MED15: variants seen among roughly 807,000 people sequenced by gnomAD.
MED15 encodes the protein mediator of RNA polymerase II transcription subunit 15.
Under a neutral mutation model 118.7 loss-of-function variants are expected in MED15, and 41 were observed. That is an observed-to-expected ratio of 0.35 (90% CI 0.27 to 0.45). The LOEUF is 0.45. MED15 is among the 20% of genes least tolerant of loss of function. MED15 has a pLI of 1.00. For synonymous variants in MED15, 436 were observed against 413.9 expected, an observed-to-expected ratio of 1.05 and a Z score of -0.65; for missense variants, 740 against 1,025.5, an observed-to-expected ratio of 0.72 and a Z score of 3.80.
chr22:20,533,472 T>G (rs1291613658), intron 1 of MED15, among the ~76,000 whole-genome samples: 1 of 152,222 alleles, frequency 6.6e-6, no homozygotes, highest in Non-Finnish European at 1.5e-5. Flanking sequence ...GGTCTGTTAC[T>G]GGCCACCAAA....
chr22:20,534,436 G>A (rs1331024205), intron 1 of MED15, among the ~76,000 whole-genome samples: 1 of 152,138 alleles, frequency 6.6e-6, no homozygotes, highest in African/African-American at 2.4e-5. Flanking sequence ...GAGGTGAGAG[G>A]ATACTTGAGC....
At chr22:20,515,509 G>C (rs2054218257) in intron 1 of MED15, among the ~76,000 whole-genome samples, 1 of 152,156 alleles carries the variant, frequency 6.6e-6, no homozygotes, top group African/African-American at 2.4e-5. Flanking sequence ...GTTTACGAAG[G>C]CTGGGCGTAG....
At chr22:20,570,746 C>CTTTCTTTTTTTTTTT (rs1569236484) in intron 8 of MED15, among the ~76,000 whole-genome samples, 6 of 62,104 alleles carry the variant, frequency 9.7e-5, no homozygotes, top group Admixed American at 2.6e-4. Flanking sequence ...TTCTTTCTTT[C>CTTTCTTTTTTTTTTT]TTTTTTTTTT....
intron 5 of MED15, among the ~76,000 whole-genome samples, chr22:20,557,014 A>T (rs528934885): frequency 9.2e-5 from 14 of 152,338 alleles, no homozygotes; most frequent in African/African-American, 3.4e-4. Context: ...CATGAAGGAC[A>T]TTTGGGTTGT....
At chr22:20,540,461 C>G (rs1177159723) in intron 2 of MED15, among the ~76,000 whole-genome samples, 1 of 152,070 alleles carries the variant, frequency 6.6e-6, no homozygotes, top group African/African-American at 2.4e-5. Context: ...GTAGTCCTGC[C>G]TAATCGACAG....
rs1316186306 is a variant in MED15 at position 20,507,762 on chromosome 22, G to T, written c.68+16G>T. 1.2e-6 allele frequency: 2 copies of T among 1,613,882 alleles called. No homozygotes were observed. Among genetic ancestry groups the T allele is most frequent in the Non-Finnish European group, 1.7e-6 (2 of 1,179,928 alleles). On this transcript the variant is annotated intron_variant, in intron 1 of 17. Coordinates refer to ENST00000263205, the MANE Select transcript of MED15 (RefSeq NM_001003891.3). The stretch of plus-strand genomic sequence containing the variant: ...TCAGTCAAATGTGAGTAGTGGTCGG[G>T]GCAGGGGGCTGGATTGTGGGACCTT...
intron 1 of MED15, among the ~76,000 whole-genome samples, chr22:20,531,639 C>T (rs1012335331): frequency 6.6e-6 from 1 of 152,256 alleles, no homozygotes; most frequent in Non-Finnish European, 1.5e-5. Flanking sequence ...ATTCTCCGTT[C>T]TGCACGTCGT....
At chr22:20,548,565 C>T (rs1031773477) in intron 2 of MED15, among the ~76,000 whole-genome samples, 1 of 152,224 alleles carries the variant, frequency 6.6e-6, no homozygotes, top group Admixed American at 6.5e-5. Flanking sequence ...CAGCCCAGTT[C>T]CTGATACTTG....
chr22:20,545,167 C>T (rs553386354), intron 2 of MED15, among the ~76,000 whole-genome samples: 1 of 152,166 alleles, frequency 6.6e-6, no homozygotes, highest in South Asian at 2.1e-4. Context: ...ATGGAGTTTT[C>T]ATTTGGAGTG....
chr22:20,560,042 G>T (rs374112682), intron 5 of MED15, among the ~76,000 whole-genome samples: 2 of 152,274 alleles, frequency 1.3e-5, no homozygotes, highest in South Asian at 2.1e-4. Flanking sequence ...TACTGTGGGG[G>T]TGCTGCTGGT....
Position 20,528,590 on chromosome 22 carries a change from C to G in MED15, c.69-8527C>G, listed in dbSNP as rs537413738. On this transcript the variant is annotated intron_variant, in intron 1 of 17. Coordinates refer to ENST00000263205, the MANE Select transcript of MED15 (RefSeq NM_001003891.3). The stretch of plus-strand genomic sequence containing the variant: ...GCCTGGTTCCTAACAGCCCACAGAC[C>G]TGTACTGGTCTGTGGCCCAGGGCTT... 1.9e-4 allele frequency among the ~76,000 whole-genome samples: 29 copies of G among 152,300 alleles called. 1 individual carries two copies. Among genetic ancestry groups the G allele is most frequent in the African/African-American group, 7.0e-4 (29 of 41,558 alleles).
rs763614093 is a variant in MED15, at chr22:20,582,762, G to A, written c.1409+15G>A. 2 of 1,589,222 alleles carry A rather than the reference G, an allele frequency of 1.3e-6. No individual in the cohort carries two copies. The highest frequency in any genetic ancestry group is 2.2e-5 in the East Asian group (1 of 44,482). ...TCCAACGTCAGGTAGGCCTGGCCTG[G>A]GGTGCCCCTCCCCACCTGGCCCTCG... On this transcript the variant is annotated intron_variant, in intron 10 of 17. Coordinates refer to ENST00000263205, the MANE Select transcript of MED15 (RefSeq NM_001003891.3).
intron 2 of MED15, among the ~76,000 whole-genome samples, chr22:20,540,165 AG>A (rs1414042523): frequency 6.6e-6 from 1 of 152,078 alleles, no homozygotes; most frequent in Non-Finnish European, 1.5e-5. Flanking sequence ...GGTTTACCCA[AG>A]GGGGGCTGTG....
intron 1 of MED15, among the ~76,000 whole-genome samples, chr22:20,511,201 T>G (rs904405848): frequency 8.5e-5 from 13 of 152,158 alleles, no homozygotes; most frequent in Admixed American, 7.9e-4. Context: ...TAATTTATAG[T>G]TGATGAAGGG....
chr22:20,565,061 G>GT (rs1477933150), intron 6 of MED15, among the ~76,000 whole-genome samples: 1 of 152,220 alleles, frequency 6.6e-6, no homozygotes, highest in South Asian at 2.1e-4. Flanking sequence ...GGAGGCGGAG[G>GT]TTGCAGTGAG....
intron 1 of MED15, among the ~76,000 whole-genome samples, chr22:20,534,776 C>G (rs889194982): frequency 6.6e-6 from 1 of 152,182 alleles, no homozygotes; most frequent in Non-Finnish European, 1.5e-5. Context: ...CCTCGCTTCC[C>G]CAGGACTCTG....
At chr22:20,516,825 A>C (rs2146352016) in intron 1 of MED15, among the ~76,000 whole-genome samples, 1 of 152,308 alleles carries the variant, frequency 6.6e-6, no homozygotes, top group Non-Finnish European at 1.5e-5. Context: ...TCAAAATGAA[A>C]AATTTAAATC....
chr22:20,569,932 T>G (rs2146611970), intron 8 of MED15, among the ~76,000 whole-genome samples: 1 of 152,328 alleles, frequency 6.6e-6, no homozygotes, highest in Admixed American at 6.5e-5. Flanking sequence ...CAGAGTCAGC[T>G]TAGTGGTGGC....
chr22:20,573,889 G>T (rs1354162188), intron 8 of MED15: 1 of 152,224 alleles, frequency 6.6e-6, no homozygotes, highest in Non-Finnish European at 1.5e-5. Flanking sequence ...ACCCACTGGG[G>T]TCGCTCCTTC....
Sources: gnomAD v4.1 joint callset for allele counts (sites outside exome capture counted in the v4.1 genomes callset) on GRCh38, gnomAD v4.1.1 for gene constraint, MANE v1.5 for transcripts, NCBI Gene and HGNC (gene_info 2026-07-23, HGNC 2026-07-21) for gene names.